The following LAMA1 variants were observed in gnomAD, a reference collection of about 807,000 sequenced individuals.
LAMA1 encodes the protein laminin subunit alpha-1.
LAMA1 carries 219 observed loss-of-function variants against 348.7 expected under a neutral mutation model. That is an observed-to-expected ratio of 0.63 (90% confidence interval 0.56 to 0.70). The LOEUF is 0.70. Ranked by LOEUF, LAMA1 falls within the 30% of genes least tolerant of loss-of-function variation. The pLI is 0.00. For synonymous variants in LAMA1, 1,487 were observed against 1,491.0 expected, an observed-to-expected ratio of 1.00 and a Z score of 0.06; for missense variants, 3,744 against 3,888.0, an observed-to-expected ratio of 0.96 and a Z score of 0.99.
intron 23 of LAMA1, among the ~76,000 whole-genome samples, chr18:7,012,392 G>A (rs1248585764): frequency 4.0e-5 from 6 of 151,758 alleles, no homozygotes; most frequent in Admixed American, 3.9e-4. Context: ...TGATGAGAAT[G>A]TCCCGAGACA....
chr18:6,999,502 C>G lies in LAMA1; in HGVS notation c.4606G>C (p.Gly1536Arg). 1 of 1,614,100 alleles carries G rather than the reference C, an allele frequency of 6.2e-7. No homozygotes were observed. Among genetic ancestry groups the G allele is most frequent in the Non-Finnish European group, 8.5e-7 (1 of 1,180,032 alleles). Residue 1536 changes from glycine to arginine, a missense_variant, in exon 32 of 63, where the codon GGG becomes CGG. Transcript: ENST00000389658. ...GGTTCACACTCATCGCACCGGAGCCCCGAGGCCCCCAGCCTGCAAACGCAC... is the reference window on the plus strand; with the variant it reads ...GGTTCACACTCATCGCACCGGAGCCGCGAGGCCCCCAGCCTGCAAACGCAC... ...GQCVCRLGAS[G>R]LRCDECEPRH...
chr18:7,024,138 C>A (rs775656410), intron 18 of LAMA1, among the ~76,000 whole-genome samples: 12 of 152,118 alleles, frequency 7.9e-5, no homozygotes, highest in Non-Finnish European at 1.6e-4. Flanking sequence ...GCCACCAAAC[C>A]CGGCCTATTG....
chr18:7,007,201 A>T lies in LAMA1; in HGVS notation c.4198T>A (p.Cys1400Ser). 1 of 1,614,144 alleles carries T rather than the reference A, an allele frequency of 6.2e-7. No homozygotes were observed. The highest frequency in any genetic ancestry group is 8.5e-7 in the Non-Finnish European group (1 of 1,180,026). Residue 1400 changes from cysteine (C) to serine (S), a missense_variant, in exon 29 of 63, where the codon TGT becomes AGT. Cys to Ser is a moderately radical substitution (Grantham distance 112, BLOSUM62 -1). Coordinates refer to ENST00000389658, the MANE Select transcript of LAMA1 (RefSeq NM_005559.4). ...DRGPRPLVAP[C>S]VPCSCNNHSD... ...TGGTTGTTGCAACTGCAGGGAACAC[A>T]AGGAGCAACCAGAGGGCGTGGTCCC...
In LAMA1 at chr18:6,997,649, G is replaced by A. The variant is rs2057787738; in HGVS notation, c.4806+93C>T. ...GATGGAAGTTGGGCTCTCACAATGTGGGGAGGACACATGGAATGACTCCCA... is the reference window on the plus strand; with the variant it reads ...GATGGAAGTTGGGCTCTCACAATGTAGGGAGGACACATGGAATGACTCCCA... On this transcript the variant is annotated intron_variant, in intron 33 of 62. Coordinates refer to ENST00000389658, the MANE Select transcript of LAMA1 (RefSeq NM_005559.4). The A allele has an allele frequency of 5.1e-6, 7 of 1,377,124 alleles. No homozygotes were observed. The South Asian group carries it at 8.2e-5, about 16-fold the overall frequency. 85.3% of individuals were successfully genotyped at this position (1,377,124 alleles called of 1,614,324 possible). A position where few individuals can be genotyped will look rare whatever the true frequency, so the allele number is the denominator to read the frequency against.
chr18:6,987,737 A>G (rs1197356176), intron 36 of LAMA1, among the ~76,000 whole-genome samples: 2 of 152,218 alleles, frequency 1.3e-5, no homozygotes, highest in Non-Finnish European at 2.9e-5. Flanking sequence ...ACATTTTTCA[A>G]GGTTATAAAT....
At chr18:7,036,144 C>CTT in intron 12 of LAMA1, 56 bp from the exon 13 acceptor site, 2 of 1,259,056 alleles carry the variant, frequency 1.6e-6, no homozygotes, top group Non-Finnish European at 2.3e-6. Context: ...CAGCAACAAT[C>CTT]AAGTAAGAGG....
rs983328295 is a variant in LAMA1, at chr18:6,974,013, G to A, written c.6624-806C>T. Among the ~76,000 whole-genome samples, 21 of 151,938 alleles carry A rather than the reference G, an allele frequency of 1.4e-4. 1 individual carries two copies. The highest frequency in any genetic ancestry group is 1.3e-3 in the Admixed American group (20 of 15,250). On this transcript the variant is annotated intron_variant, in intron 46 of 62. Coordinates refer to ENST00000389658, the MANE Select transcript of LAMA1 (RefSeq NM_005559.4). ...CCAGGCTAACCTCAAACTCCTTCTT[G>A]CTCAAACAATCCTCCCACCTCGGCC...
intron 56 of LAMA1, chr18:6,956,243 C>T (rs2057576840): frequency 5.8e-6 from 2 of 346,714 alleles, no homozygotes; most frequent in Admixed American, 8.2e-5. Context: ...CCAGAACTGG[C>T]TTTTCCTAAT....
At position 7,030,245 on chromosome 18, in the gene LAMA1, CAA is replaced by C. The variant is rs566835463; in HGVS notation, c.2274+1819_2274+1820del. ...GCACGGCACCTCCACGTCTTCTGGT[CAA>C]AAATGTGTAACCTCAACCTAGTCAT... On this transcript the variant is annotated intron_variant, in intron 16 of 62. Transcript: ENST00000389658. 7.4e-4 allele frequency among the ~76,000 whole-genome samples: 112 copies of C among 152,216 alleles called. No individual in the cohort carries two copies. The East Asian group carries it at 0.02, about 28-fold the overall frequency.
intron 1 of LAMA1, among the ~76,000 whole-genome samples, chr18:7,112,625 TTA>T (rs202068601): frequency 5.0e-5 from 7 of 140,828 alleles, no homozygotes; most frequent in Admixed American, 1.5e-4. Context: ...TATATGTATT[TTA>T]TATATATATA....
chr18:6,986,954 T>TTC (rs1254526618), intron 36 of LAMA1, among the ~76,000 whole-genome samples: 2 of 152,172 alleles, frequency 1.3e-5, no homozygotes, highest in African/African-American at 4.8e-5. Context: ...GGGTTTGGGT[T>TTC]TCACCTGTTG....
chr18:6,959,041 A>T (rs2144001300), intron 54 of LAMA1, among the ~76,000 whole-genome samples: 1 of 152,306 alleles, frequency 6.6e-6, no homozygotes, highest in South Asian at 2.1e-4. Flanking sequence ...TTGATATAAT[A>T]CTATTTACTA....
intron 28 of LAMA1, among the ~76,000 whole-genome samples, chr18:7,007,522 C>A (rs1033225391): frequency 6.7e-6 from 1 of 150,088 alleles, no homozygotes; most frequent in African/African-American, 2.4e-5. Context: ...ACCTTGTATA[C>A]TGCTGGTGAG....
chr18:7,054,211 C>T (rs575380296), intron 3 of LAMA1, among the ~76,000 whole-genome samples: 13 of 152,306 alleles, frequency 8.5e-5, no homozygotes, highest in African/African-American at 2.6e-4. Flanking sequence ...CCTCCAGAAT[C>T]TCTCGTTTTT....
At chr18:6,954,547 T>A (rs1485427907) in intron 57 of LAMA1, 1 of 152,796 alleles carries the variant, frequency 6.5e-6, no homozygotes, top group Middle Eastern at 3.2e-3. Context: ...GTCGAGACTG[T>A]GAGAGGGATG....
At chr18:6,955,534 C>T (rs774633374) in intron 56 of LAMA1, 69 bp from the exon 57 acceptor site, 8 of 1,112,328 alleles carry the variant, frequency 7.2e-6, no homozygotes, top group African/African-American at 3.1e-5. Context: ...ACGCGTGTTC[C>T]GCCATGAAGG....
intron 18 of LAMA1, among the ~76,000 whole-genome samples, chr18:7,023,648 G>A (rs534582917): frequency 2.6e-5 from 4 of 152,190 alleles, no homozygotes; most frequent in South Asian, 4.1e-4. Context: ...TCCGGATGCC[G>A]CACAGCCTCC....
intron 57 of LAMA1, chr18:6,954,603 T>A (rs79126937): frequency 0.013 from 1,972 of 154,910 alleles, 28 homozygotes; most frequent in Non-Finnish European, 0.021. Flanking sequence ...AGAGGCTGGC[T>A]GAGGAGGGAG....
intron 20 of LAMA1, 87 bp from the exon 21 acceptor site, chr18:7,016,758 G>C: frequency 3.3e-6 from 4 of 1,197,954 alleles, no homozygotes; most frequent in Non-Finnish European, 4.7e-6. Context: ...AACACACACA[G>C]GGTATTTCAT....
Sources: allele counts gnomAD v4.1 joint callset (sites outside exome capture counted in the v4.1 genomes callset), GRCh38; gene constraint gnomAD v4.1.1; transcripts MANE v1.5; gene names NCBI Gene and HGNC (gene_info 2026-07-23, HGNC 2026-07-21).